The following LAIR1 variants were observed in gnomAD, a reference collection of about 807,000 sequenced individuals.
The protein encoded by LAIR1 is leukocyte associated immunoglobulin like receptor 1, also known as leukocyte-associated immunoglobulin-like receptor 1.
In LAIR1, 24 loss-of-function variants were observed where a neutral mutation model predicts 32.8. That is an observed-to-expected ratio of 0.73 (90% confidence interval 0.53 to 1.03). The LOEUF is 1.03. Ranked by LOEUF, LAIR1 falls within the 50% of genes least tolerant of loss-of-function variation. The probability of loss-of-function intolerance (pLI) is 0.00; values close to 1 mark genes in which losing one functional copy is unlikely to be tolerated. For synonymous variants in LAIR1, 150 were observed against 140.5 expected, an observed-to-expected ratio of 1.07 and a Z score of -0.48; for missense variants, 355 against 347.5, an observed-to-expected ratio of 1.02 and a Z score of -0.17.
In LAIR1 at chr19:54,354,455, G is replaced by A. The variant is rs977159486; in HGVS notation, c.*813C>T. 6.6e-6 allele frequency: 1 copy of A among 152,242 alleles called. No homozygotes were observed. The highest frequency in any genetic ancestry group is 1.5e-5 in the Non-Finnish European group (1 of 68,050). 9.4% of individuals were successfully genotyped at this position (152,242 alleles called of 1,614,324 possible). On this transcript the variant is annotated 3_prime_UTR_variant, in exon 10 of 10. Transcript: ENST00000391742. ...TCGTATCTGTGGCGATGGGTGCGCT[G>A]AGGAATTGATTGTGACTGTCATTGC...
At position 54,356,578 on chromosome 19, in the gene LAIR1, T is replaced by A; in HGVS notation, c.496A>T (p.Ile166Phe). 1 of 1,613,876 alleles carries A rather than the reference T, an allele frequency of 6.2e-7. No individual in the cohort carries two copies. Among genetic ancestry groups the A allele is most frequent in the South Asian group, 1.1e-5 (1 of 91,062 alleles). ...AAGACCACTGAGACCCCGATGAGAA[T>A]ATACAGATGCTCAGCTTTCAGGCCT... is the stretch of plus-strand genomic sequence containing the variant. ...SQGLKAEHLY[I>F]LIGVSVVFLF... is the part of the protein sequence containing the mutation. Residue 166 changes from isoleucine (I) to phenylalanine (F), a missense_variant, in exon 6 of 10, where the codon ATT (isoleucine) becomes TTT (phenylalanine). By Grantham distance (21) the Ile-to-Phe change is conservative. Transcript: ENST00000391742.
chr19:54,356,570 G>A lies in LAIR1; in HGVS notation c.504C>T (p.Ile168=), dbSNP rs138711669. ...GLKAEHLYIL[I]GVSVVFLFCL... is the part of the protein sequence containing the mutation. ...AGAAGAGGAAGACCACTGAGACCCC[G>A]ATGAGAATATACAGATGCTCAGCTT... The change falls in exon 6 of 10, where the codon ATC becomes ATT. Residue 168 remains isoleucine, a synonymous_variant. Coordinates refer to ENST00000391742, the MANE Select transcript of LAIR1 (RefSeq NM_002287.6). 125 of 1,613,790 alleles carry A rather than the reference G, an allele frequency of 7.7e-5. No homozygotes were observed. The highest frequency in any genetic ancestry group is 9.8e-5 in the Non-Finnish European group (116 of 1,179,976).
upstream of LAIR1, chr19:54,368,357 A>G (rs2082319508): frequency 6.6e-6 from 1 of 152,228 alleles, no homozygotes; most frequent in Admixed American, 6.5e-5. Flanking sequence ...TTTGAAACTT[A>G]GCATTGAACA....
chr19:54,363,390 G>A (rs937686298), intron 2 of LAIR1, among the ~76,000 whole-genome samples: 1 of 151,978 alleles, frequency 6.6e-6, no homozygotes, highest in Non-Finnish European at 1.5e-5. Flanking sequence ...AGAAGCTGCC[G>A]AGTGAAGTGT....
chr19:54,361,518 G>A (rs1260205197), intron 2 of LAIR1, among the ~76,000 whole-genome samples: 1 of 152,020 alleles, frequency 6.6e-6, no homozygotes, highest in Non-Finnish European at 1.5e-5. Context: ...GCAGAGCCCA[G>A]GGCCACTTTC....
chr19:54,357,807 C>A (rs1282346861), intron 4 of LAIR1, among the ~76,000 whole-genome samples: 1 of 151,840 alleles, frequency 6.6e-6, no homozygotes, highest in African/African-American at 2.4e-5. Context: ...GGCAGACATT[C>A]TCTCTTGGAA....
At chr19:54,372,485 T>C (rs2082429984), upstream of LAIR1, among the ~76,000 whole-genome samples, 1 of 123,216 alleles carries the variant, frequency 8.1e-6, no homozygotes, top group African/African-American at 3.4e-5. Flanking sequence ...TTGTCTTTCT[T>C]TCTTTCTTTT....
Position 54,364,618 on chromosome 19 carries a change from A to G in LAIR1, c.34+153T>C. 4 of 862,600 alleles carry G rather than the reference A, an allele frequency of 4.6e-6. No individual in the cohort carries two copies. In the South Asian group the frequency reaches 5.3e-5, roughly 12 times the overall value. The allele number at this position is 862,600 out of a possible 1,614,324, so 53.4% of individuals were successfully genotyped here. ...TTTTAGGACAAGATCTTCTCTGATC[A>G]GACTTAGGCCCCAGGGAGAGCAGCA... On this transcript the variant is annotated intron_variant, in intron 1 of 9. Coordinates refer to ENST00000391742, the MANE Select transcript of LAIR1 (RefSeq NM_002287.6). This position sits in a 1 kb window ranked among gnomAD's most constrained non-coding sequence, Gnocchi z 4.8.
Position 54,355,599 on chromosome 19 carries a change from G to C in LAIR1, c.718-185C>G, listed in dbSNP as rs1052995706. Among the ~76,000 whole-genome samples the C allele has an allele frequency of 7.2e-5, 11 of 152,174 alleles. No individual in the cohort carries two copies. The highest frequency in any genetic ancestry group is 3.9e-4 in the Admixed American group (6 of 15,276). On this transcript the variant is annotated intron_variant, in intron 9 of 9. Transcript: ENST00000391742. The surrounding 1 kb of genome is among the most constrained non-coding windows in gnomAD (Gnocchi z 4.7). ...TACGTGACAATGAACAAGGCAGAAG[G>C]GAAGACTCCTGACTTCCAAGCTGAG...
rs1228994714 is a variant in LAIR1 at position 54,355,584 on chromosome 19, T to C, written c.718-170A>G. On this transcript the variant is annotated intron_variant, in intron 9 of 9. Coordinates refer to ENST00000391742, the MANE Select transcript of LAIR1 (RefSeq NM_002287.6). This position sits in a 1 kb window ranked among gnomAD's most constrained non-coding sequence, Gnocchi z 4.7. ...GTATTGGGGTTGGTTTACGTGACAA[T>C]GAACAAGGCAGAAGGGAAGACTCCT... Among the ~76,000 whole-genome samples, 1 of 152,046 alleles carries C rather than the reference T, an allele frequency of 6.6e-6. No individual in the cohort carries two copies. Among genetic ancestry groups the C allele is most frequent in the Non-Finnish European group, 1.5e-5 (1 of 67,990 alleles).
rs116643993 is a variant in LAIR1 at position 54,361,534 on chromosome 19, G to A, written c.71-325C>T. 4.6e-3 allele frequency among the ~76,000 whole-genome samples: 703 copies of A among 152,140 alleles called. 7 individuals carry two copies. Among genetic ancestry groups the A allele is most frequent in the African/African-American group, 0.016 (661 of 41,532 alleles). ...CAGAGCCCAGGGCCACTTTCCAGAGGGACAGAGTGTGGGAGGGAGGCACAG... is the reference window on the plus strand; with the variant it reads ...CAGAGCCCAGGGCCACTTTCCAGAGAGACAGAGTGTGGGAGGGAGGCACAG... On this transcript the variant is annotated intron_variant, in intron 2 of 9. Coordinates refer to ENST00000391742, the MANE Select transcript of LAIR1 (RefSeq NM_002287.6).
rs1601258261 is a variant in LAIR1, at chr19:54,355,007, G to A, written c.*261C>T. The A allele has an allele frequency of 2.6e-6, 1 of 389,174 alleles. No individual in the cohort carries two copies. Among genetic ancestry groups the A allele is most frequent in the East Asian group, 3.8e-5 (1 of 26,246 alleles). The allele number at this position is 389,174 out of a possible 1,614,324, so 24.1% of individuals were successfully genotyped here. A position where few individuals can be genotyped will look rare whatever the true frequency, so the allele number is the denominator to read the frequency against. ...AAGCTGGGTCTCTAGAAACAGCCAG[G>A]GAACTGTAGCTGGGTCTCTGGAAAT... On this transcript the variant is annotated 3_prime_UTR_variant, in exon 10 of 10. Transcript: ENST00000391742. The surrounding 1 kb of genome is among the most constrained non-coding windows in gnomAD (Gnocchi z 4.7).
chr19:54,364,938 C>T (rs2082202917), upstream of LAIR1: 1 of 1,569,256 alleles, frequency 6.4e-7, no homozygotes, highest in Non-Finnish European at 8.6e-7. The surrounding 1 kb of genome is among the most constrained non-coding windows in gnomAD (Gnocchi z 4.8). Flanking sequence ...AACTGCCTCA[C>T]ACAAGAGGAA....
In LAIR1 at chr19:54,355,912, T is replaced by G; in HGVS notation, c.717+42A>C. 7.4e-7 allele frequency: 1 copy of G among 1,357,270 alleles called. No individual in the cohort carries two copies. The highest frequency in any genetic ancestry group is 1.2e-5 in the South Asian group (1 of 86,370). 84.1% of individuals were successfully genotyped at this position (1,357,270 alleles called of 1,614,324 possible). A position where few individuals can be genotyped will look rare whatever the true frequency, so the allele number is the denominator to read the frequency against. On this transcript the variant is annotated intron_variant, in intron 9 of 9. Coordinates refer to ENST00000391742, the MANE Select transcript of LAIR1 (RefSeq NM_002287.6). This position sits in a 1 kb window ranked among gnomAD's most constrained non-coding sequence, Gnocchi z 4.7. ...CCAAGGAACTGAGATTTTTTTAAGCTGCTAAATTTGGGGTACTTTAATAAC... is the reference window on the plus strand; with the variant it reads ...CCAAGGAACTGAGATTTTTTTAAGCGGCTAAATTTGGGGTACTTTAATAAC...
chr19:54,354,235 G>A lies in LAIR1; in HGVS notation c.*1033C>T, dbSNP rs1321003269. 6.6e-6 allele frequency: 1 copy of A among 152,250 alleles called. No homozygotes were observed. The highest frequency in any genetic ancestry group is 1.5e-5 in the Non-Finnish European group (1 of 68,074). 9.4% of individuals were successfully genotyped at this position (152,250 alleles called of 1,614,324 possible). A position where few individuals can be genotyped will look rare whatever the true frequency, so the allele number is the denominator to read the frequency against. On this transcript the variant is annotated 3_prime_UTR_variant, in exon 10 of 10. Transcript: ENST00000391742. ...TGTGAGTGTATGTGCATGTCTGTGT[G>A]TGTGCGTGTGTGTATGCATGTGTGT...
chr19:54,358,347 T>C, intron 4 of LAIR1: 1 of 179,250 alleles, frequency 5.6e-6, no homozygotes, highest in Non-Finnish European at 1.1e-5. Flanking sequence ...AGTGATACAC[T>C]AACATGTTTT....
intron 2 of LAIR1, among the ~76,000 whole-genome samples, chr19:54,362,100 T>C (rs1045269663): frequency 5.9e-5 from 9 of 152,030 alleles, no homozygotes; most frequent in Non-Finnish European, 2.9e-5. Flanking sequence ...GATACAGGTA[T>C]ACACTGTGGA....
At chr19:54,358,426 A>G (rs1569190885) in intron 4 of LAIR1, 1 of 408,758 alleles carries the variant, frequency 2.4e-6, no homozygotes, top group African/African-American at 2.2e-5. Flanking sequence ...ATGTAAACAT[A>G]TATAATATAA....
At chr19:54,358,882 G>A (rs1365204833) in intron 4 of LAIR1, among the ~76,000 whole-genome samples, 2 of 152,052 alleles carry the variant, frequency 1.3e-5, no homozygotes, top group South Asian at 2.1e-4. Context: ...CAATCTGGCT[G>A]CAGGAGGGTC....
Sources: allele counts gnomAD v4.1 joint callset (sites outside exome capture counted in the v4.1 genomes callset), GRCh38; gene constraint gnomAD v4.1.1; non-coding constraint Gnocchi (gnomAD v3.1); transcripts MANE v1.5; gene names NCBI Gene and HGNC (gene_info 2026-07-23, HGNC 2026-07-21).